OPCML: variants seen among roughly 807,000 people sequenced by gnomAD.
OPCML encodes the protein opioid binding protein/cell adhesion molecule like.
In OPCML, 13 loss-of-function variants were observed where a neutral mutation model predicts 37.8. The observed-to-expected ratio is 0.34, with a 90% confidence interval of 0.22 to 0.55. OPCML has a LOEUF of 0.55. Ranked by LOEUF, OPCML falls within the 20% of genes least tolerant of loss-of-function variation. The probability of loss-of-function intolerance (pLI) is 0.91; values close to 1 mark genes in which losing one functional copy is unlikely to be tolerated. For synonymous variants in OPCML, 176 were observed against 168.8 expected, an observed-to-expected ratio of 1.04 and a Z score of -0.33; for missense variants, 341 against 435.6, an observed-to-expected ratio of 0.78 and a Z score of 1.93.
intron 2 of OPCML, among the ~76,000 whole-genome samples, chr11:132,898,635 C>T (rs1943936075): frequency 6.6e-6 from 1 of 152,116 alleles, no homozygotes; most frequent in East Asian, 1.9e-4. Context: ...TCCTGTTTTT[C>T]CCATAGTCAG....
At chr11:132,930,042 A>G (rs1945146269) in intron 2 of OPCML, among the ~76,000 whole-genome samples, 1 of 152,152 alleles carries the variant, frequency 6.6e-6, no homozygotes, top group South Asian at 2.1e-4. Context: ...TACTCAATAT[A>G]GCACTGGGCA....
chr11:132,595,970 A>C (rs944777381), intron 3 of OPCML, among the ~76,000 whole-genome samples: 1 of 152,212 alleles, frequency 6.6e-6, no homozygotes, highest in Non-Finnish European at 1.5e-5. Context: ...CTACAATTTC[A>C]ATGAGTAAGT....
At chr11:132,423,871 C>A (rs1487655746) in intron 7 of OPCML, among the ~76,000 whole-genome samples, 1 of 152,128 alleles carries the variant, frequency 6.6e-6, no homozygotes. Flanking sequence ...AGGAACTATT[C>A]AGGCTGAGCT....
intron 2 of OPCML, among the ~76,000 whole-genome samples, chr11:132,725,622 T>C (rs528039392): frequency 6.6e-6 from 1 of 152,262 alleles, no homozygotes; most frequent in African/African-American, 2.4e-5. Flanking sequence ...CTGCAAATTT[T>C]CCAAACTTTT....
chr11:133,283,360 G>T (rs1357801005), intron 1 of OPCML, among the ~76,000 whole-genome samples: 1 of 151,916 alleles, frequency 6.6e-6, no homozygotes, highest in Non-Finnish European at 1.5e-5. Flanking sequence ...TTAAAAGAGT[G>T]TGGCACCTCC....
chr11:132,694,486 C>T (rs887253849), intron 2 of OPCML, among the ~76,000 whole-genome samples: 1 of 152,048 alleles, frequency 6.6e-6, no homozygotes, highest in South Asian at 2.1e-4. Context: ...CGTGAGCCAC[C>T]GTGCCTGGCC....
At chr11:133,407,982 T>TTACATCCATTGCTGTACATCCA (rs1430176507) in intron 1 of OPCML, among the ~76,000 whole-genome samples, 36 of 152,298 alleles carry the variant, frequency 2.4e-4, no homozygotes, top group Non-Finnish European at 4.6e-4. Flanking sequence ...ACATCCACTG[T>TTACATCCATTGCTGTACATCCA]TTGCTTAGCA....
At chr11:132,675,692 A>G (rs144877021) in intron 2 of OPCML, among the ~76,000 whole-genome samples, 219 of 152,344 alleles carry the variant, frequency 1.4e-3, no homozygotes, top group African/African-American at 4.8e-3. Context: ...TTCATTTACA[A>G]TACAATCAAA....
At chr11:132,504,302 T>C (rs2137140081) in intron 4 of OPCML, among the ~76,000 whole-genome samples, 1 of 152,166 alleles carries the variant, frequency 6.6e-6, no homozygotes, top group African/African-American at 2.4e-5. Flanking sequence ...TAATAAAGCT[T>C]CAAAAAGGGA....
chr11:132,571,913 C>T (rs1046545774), intron 3 of OPCML, among the ~76,000 whole-genome samples: 3 of 152,122 alleles, frequency 2.0e-5, no homozygotes, highest in African/African-American at 7.2e-5. Context: ...TCCAAATCCC[C>T]CACATCCTCA....
At chr11:133,078,965 C>G (rs11823094) in intron 1 of OPCML, among the ~76,000 whole-genome samples, 110 of 152,196 alleles carry the variant, frequency 7.2e-4, no homozygotes, top group African/African-American at 2.5e-3. Flanking sequence ...CCACGTGAAT[C>G]TTTTTTACTG....
At chr11:133,157,783 C>T (rs985458338) in intron 1 of OPCML, among the ~76,000 whole-genome samples, 1 of 152,162 alleles carries the variant, frequency 6.6e-6, no homozygotes, top group Non-Finnish European at 1.5e-5. Flanking sequence ...TTGGTGTGTC[C>T]ACCTAGCCTG....
In OPCML at chr11:133,532,336, G is replaced by A. The variant is rs780291956; in HGVS notation, c.-12C>T. 21 of 1,612,230 alleles carry A rather than the reference G, an allele frequency of 1.3e-5. No individual in the cohort carries two copies. Among genetic ancestry groups the A allele is most frequent in the East Asian group, 4.5e-5 (2 of 44,706 alleles). ...GCAGGATGGTACATCTCGACGCTGCGGTGCTCTCAGCTGCCGGGCTTGCTA... is the reference window on the plus strand; with the variant it reads ...GCAGGATGGTACATCTCGACGCTGCAGTGCTCTCAGCTGCCGGGCTTGCTA... On this transcript the variant is annotated 5_prime_UTR_variant, in exon 1 of 8. Transcript: ENST00000524381.
chr11:133,293,249 T>G (rs1484979059), intron 1 of OPCML, among the ~76,000 whole-genome samples: 1 of 152,138 alleles, frequency 6.6e-6, no homozygotes, highest in East Asian at 1.9e-4. Context: ...TATCCCCCAT[T>G]TTCAACCTTT....
intron 2 of OPCML, among the ~76,000 whole-genome samples, chr11:132,778,961 CTTTTT>C (rs10657036): frequency 1.1e-5 from 1 of 87,944 alleles, no homozygotes; most frequent in African/African-American, 4.4e-5. Flanking sequence ...TGGTATATTT[CTTTTT>C]TTTTTTTTTT....
At chr11:133,326,862 C>T (rs540133203) in intron 1 of OPCML, among the ~76,000 whole-genome samples, 60 of 54,156 alleles carry the variant, frequency 1.1e-3, no homozygotes, top group Middle Eastern at 0.018. Context: ...TGTGTAGTGA[C>T]GTGTGGGTGT....
At chr11:132,763,815 GCT>G (rs1026485689) in intron 2 of OPCML, among the ~76,000 whole-genome samples, 4 of 152,200 alleles carry the variant, frequency 2.6e-5, no homozygotes, top group African/African-American at 9.6e-5. Context: ...ACACCAAGCT[GCT>G]CTCTCACTGG....
chr11:133,387,517 T>A (rs1945081014), intron 1 of OPCML, among the ~76,000 whole-genome samples: 2 of 152,216 alleles, frequency 1.3e-5, no homozygotes, highest in South Asian at 2.1e-4. Flanking sequence ...GCTACCAGAG[T>A]TCTTCTATGA....
intron 2 of OPCML, among the ~76,000 whole-genome samples, chr11:132,729,669 G>A (rs542591839): frequency 6.6e-6 from 1 of 152,316 alleles, no homozygotes; most frequent in South Asian, 2.1e-4. Context: ...GAAAAGGCTG[G>A]TGTTAACGCC....
Sources: allele counts gnomAD v4.1 joint callset (sites outside exome capture counted in the v4.1 genomes callset), GRCh38; gene constraint gnomAD v4.1.1; transcripts MANE v1.5; gene names NCBI Gene and HGNC (gene_info 2026-07-23, HGNC 2026-07-21).